The following BMX variants were observed in gnomAD, a reference collection of about 807,000 sequenced individuals.
BMX encodes the protein cytoplasmic tyrosine-protein kinase BMX.
In BMX, 31 loss-of-function variants were observed where a neutral mutation model predicts 59.2. That is an observed-to-expected ratio of 0.52 (90% CI 0.39 to 0.71). The LOEUF (loss-of-function observed/expected upper bound fraction) is 0.71. Among genes scored for constraint, BMX ranks in the 30% least tolerant of loss-of-function variants. The pLI is 0.00. For synonymous variants in BMX, 185 were observed against 181.0 expected (o/e 1.02, Z -0.18); for missense variants, 474 against 491.7 (o/e 0.96, Z 0.34).
intron 4 of BMX, among the ~76,000 whole-genome samples, chrX:15,515,657 C>T (rs1924124050): frequency 8.9e-6 from 1 of 111,807 alleles, no homozygotes; most frequent in Non-Finnish European, 1.9e-5. Context: ...TGCAACTTTT[C>T]TGTACATTTG....
intron 8 of BMX, 103 bp downstream of exon 8, chrX:15,525,468 TA>T (rs759346418): frequency 2.4e-6 from 2 of 839,029 alleles, no homozygotes; most frequent in Non-Finnish European, 3.5e-6. Flanking sequence ...CTACTTAAGG[TA>T]AATATAAACC....
At chrX:15,541,774 G>GACT (rs1459550206) in intron 14 of BMX, among the ~76,000 whole-genome samples, 4 of 110,793 alleles carry the variant, frequency 3.6e-5, no homozygotes, top group Non-Finnish European at 7.6e-5. Flanking sequence ...AGTCACCAAT[G>GACT]TCTGATATGA....
chrX:15,518,796 C>T (rs780787214), intron 6 of BMX, among the ~76,000 whole-genome samples: 147 of 111,060 alleles, frequency 1.3e-3, no homozygotes, highest in Non-Finnish European at 2.3e-3. Context: ...GTGGTGGTAT[C>T]GGAGTGAGTT....
chrX:15,526,047 T>C lies in BMX; in HGVS notation c.836T>C (p.Phe279Ser). Residue 279 changes from phenylalanine (F) to serine (S), a missense_variant, in exon 9 of 19, where the codon TTC (phenylalanine) becomes TCC (serine). Transcript: ENST00000348343. ...NHTTSKISWE[F>S]PESSSSEEEE... ...TTTTCTCAACTCTTCTTAAGGGAAT[T>C]CCCTGAGTCAAGTTCATCTGAAGAA... The C allele has an allele frequency of 8.3e-7, 1 of 1,208,342 alleles. No individual in the cohort carries two copies. Among genetic ancestry groups the C allele is most frequent in the Non-Finnish European group, 1.1e-6 (1 of 893,429 alleles).
rs199628600 is a variant in BMX, at chrX:15,522,569, A to C, written c.734A>C (p.Gln245Pro). The change falls in exon 7 of 19, where the codon CAA becomes CCA. Residue 245 changes from glutamine to proline, a missense_variant. Transcript: ENST00000348343. ...AGGGAAGACTTCCCTGACTGGTGGC[A>C]AGTAAGAAAACTGAAAAGGTAATCC... ...IPREDFPDWW[Q>P]VRKLKSSSSS... 69 of 1,210,488 alleles carry C rather than the reference A, an allele frequency of 5.7e-5. No individual in the cohort carries two copies. Among genetic ancestry groups the C allele is most frequent in the Non-Finnish European group, 6.6e-5 (59 of 895,243 alleles).
chrX:15,515,341 T>TTAA (rs993729777), intron 4 of BMX, among the ~76,000 whole-genome samples: 1 of 110,227 alleles, frequency 9.1e-6, no homozygotes, highest in Non-Finnish European at 1.9e-5. Flanking sequence ...ATTTTAAAAA[T>TTAA]TAATAATAAT....
At chrX:15,513,697 T>A (rs1425366876) in intron 4 of BMX, among the ~76,000 whole-genome samples, 3 of 111,878 alleles carry the variant, frequency 2.7e-5, no homozygotes, top group Non-Finnish European at 3.8e-5. Flanking sequence ...GGTTCTGAAT[T>A]CAGCTAACCA....
intron 9 of BMX, among the ~76,000 whole-genome samples, chrX:15,527,692 A>G (rs1047397675): frequency 9.0e-6 from 1 of 111,729 alleles, no homozygotes; most frequent in Non-Finnish European, 1.9e-5. Flanking sequence ...TACAAAGTAC[A>G]TGCTACTGTT....
chrX:15,536,774 G>A (rs995807828), intron 13 of BMX, among the ~76,000 whole-genome samples: 1 of 110,735 alleles, frequency 9.0e-6, no homozygotes, highest in African/African-American at 3.3e-5. Context: ...CATCCACTGC[G>A]ATCACAGTTT....
intron 17 of BMX, among the ~76,000 whole-genome samples, chrX:15,548,143 C>A (rs1338439644): frequency 8.9e-6 from 1 of 112,047 alleles, no homozygotes; most frequent in Admixed American, 9.5e-5. Flanking sequence ...TACTGATTAA[C>A]TTTTGTACCT....
intron 4 of BMX, among the ~76,000 whole-genome samples, chrX:15,514,852 C>CA (rs1267834257): frequency 9.0e-6 from 1 of 110,765 alleles, no homozygotes; most frequent in African/African-American, 3.3e-5. Context: ...AACTAAGTGC[C>CA]ATGTTTGATT....
intron 1 of BMX, among the ~76,000 whole-genome samples, chrX:15,505,214 G>T (rs1377980570): frequency 8.9e-6 from 1 of 112,279 alleles, no homozygotes; most frequent in African/African-American, 3.2e-5. Flanking sequence ...GTATAAGGAA[G>T]GGACAGAAGT....
rs113927315 is a variant in BMX at position 15,541,940 on chromosome X, T to C, written c.1395-42T>C. On this transcript the variant is annotated intron_variant, in intron 14 of 18. Transcript: ENST00000348343. ...ACTCTTTTTCAGTACATGTAGAAAA[T>C]GGAGTGTGGAGCATTGAACTTTGAA... 5.9e-3 allele frequency: 6,581 copies of C among 1,107,682 alleles called. 219 individuals carry two copies. The African/African-American group carries it at 0.1, about 17-fold the overall frequency. The allele number at this position is 1,107,682 out of a possible 1,213,427, so 91.3% of individuals were successfully genotyped here.
chrX:15,552,594 A>G (rs1464123304), intron 18 of BMX, among the ~76,000 whole-genome samples: 3 of 112,014 alleles, frequency 2.7e-5, no homozygotes, highest in Non-Finnish European at 5.6e-5. Flanking sequence ...ATCGTTAATT[A>G]CTTTGGCTTT....
At chrX:15,518,154 C>T (rs958140992) in intron 6 of BMX, among the ~76,000 whole-genome samples, 161 bp downstream of exon 6, 1 of 110,154 alleles carries the variant, frequency 9.1e-6, no homozygotes, top group African/African-American at 3.3e-5. Flanking sequence ...TATTGAATAG[C>T]GGATTCAAAT....
At chrX:15,545,081 CTTA>C (rs1194360922) in intron 16 of BMX, among the ~76,000 whole-genome samples, 5 of 111,161 alleles carry the variant, frequency 4.5e-5, no homozygotes, top group Non-Finnish European at 9.4e-5. Flanking sequence ...ATAATATGTA[CTTA>C]TTATAAGAAA....
chrX:15,556,316 A>G lies in BMX; in HGVS notation c.*169A>G. 1 of 430,508 alleles carries G rather than the reference A, an allele frequency of 2.3e-6. No individual in the cohort carries two copies. Among genetic ancestry groups the G allele is most frequent in the South Asian group, 5.7e-5 (1 of 17,602 alleles). 35.5% of individuals were successfully genotyped at this position (430,508 alleles called of 1,213,427 possible). On this transcript the variant is annotated 3_prime_UTR_variant, in exon 19 of 19. Transcript: ENST00000348343. ...AGGCAGGAAACAAAAGATTCCCTTG[A>G]AATTTAGATCAAATTAGTAATTTTG...
intron 3 of BMX, among the ~76,000 whole-genome samples, chrX:15,510,102 T>C (rs907219243): frequency 8.9e-6 from 1 of 111,733 alleles, no homozygotes; most frequent in Non-Finnish European, 1.9e-5. Context: ...GTGAAAGAGA[T>C]AGCCTGGAGA....
At chrX:15,549,780 G>A in intron 17 of BMX, 60 bp from the exon 18 acceptor site, 1 of 1,154,738 alleles carries the variant, frequency 8.7e-7, no homozygotes. Flanking sequence ...CACAAACCCT[G>A]TACTTTCTGA....
Sources: gnomAD v4.1 joint callset for allele counts (sites outside exome capture counted in the v4.1 genomes callset) on GRCh38, gnomAD v4.1.1 for gene constraint, MANE v1.5 for transcripts, NCBI Gene and HGNC (gene_info 2026-07-23, HGNC 2026-07-21) for gene names.